The following KCNMB2 variants were observed in gnomAD, a reference collection of about 807,000 sequenced individuals.
The protein encoded by KCNMB2 is calcium-activated potassium channel subunit beta-2.
KCNMB2 carries 9 observed loss-of-function variants against 24.5 expected under a neutral mutation model. That is an observed-to-expected ratio of 0.37 (90% CI 0.22 to 0.64). The LOEUF (loss-of-function observed/expected upper bound fraction) is 0.64, where lower values mean the gene tolerates loss of function less well. KCNMB2 is among the 30% of genes least tolerant of loss of function. KCNMB2 has a pLI of 0.63. For missense variants in KCNMB2, 226 were observed against 284.3 expected, an observed-to-expected ratio of 0.79 and a Z score of 1.47; for synonymous variants, 109 against 104.4, an observed-to-expected ratio of 1.04 and a Z score of -0.27.
intron 1 of KCNMB2, among the ~76,000 whole-genome samples, chr3:178,603,056 A>G (rs77520926): frequency 2.6e-3 from 396 of 152,258 alleles, no homozygotes; most frequent in African/African-American, 9.0e-3. Flanking sequence ...CAAGGTGTAG[A>G]ACTGAGAGTT....
chr3:178,776,868 T>C (rs1712601473), intron 1 of KCNMB2, among the ~76,000 whole-genome samples: 1 of 152,180 alleles, frequency 6.6e-6, no homozygotes, highest in Non-Finnish European at 1.5e-5. Context: ...CCCTGGCTCC[T>C]CTACTTGCCG....
chr3:178,791,625 C>G (rs1199586015), intron 1 of KCNMB2, among the ~76,000 whole-genome samples: 1 of 152,138 alleles, frequency 6.6e-6, no homozygotes, highest in African/African-American at 2.4e-5. Flanking sequence ...TATTCAAGTA[C>G]AGGAAGGTTA....
chr3:178,583,438 C>A (rs1196498892), intron 1 of KCNMB2, among the ~76,000 whole-genome samples: 1 of 152,074 alleles, frequency 6.6e-6, no homozygotes, highest in Non-Finnish European at 1.5e-5. Context: ...TGGGATTCAT[C>A]AAAAACCTTT....
intron 1 of KCNMB2, among the ~76,000 whole-genome samples, chr3:178,575,577 T>C (rs908428067): frequency 2.6e-5 from 4 of 152,028 alleles, no homozygotes; most frequent in Non-Finnish European, 4.4e-5. Context: ...ACAACTAATA[T>C]GAAATAAAAG....
intron 1 of KCNMB2, among the ~76,000 whole-genome samples, chr3:178,626,794 C>T (rs1373234960): frequency 1.3e-5 from 2 of 151,462 alleles, no homozygotes; most frequent in East Asian, 3.9e-4. Flanking sequence ...CTAACCATAT[C>T]ATACTAAAAC....
At chr3:178,692,467 G>A (rs1457624031) in intron 1 of KCNMB2, among the ~76,000 whole-genome samples, 1 of 152,206 alleles carries the variant, frequency 6.6e-6, no homozygotes, top group Non-Finnish European at 1.5e-5. Flanking sequence ...CATTTGGCTA[G>A]CCAGTTAACC....
At chr3:178,782,916 T>C (rs1279769862) in intron 1 of KCNMB2, among the ~76,000 whole-genome samples, 1,684 of 151,664 alleles carry the variant, frequency 0.011, 34 homozygotes, top group African/African-American at 0.038. Context: ...AGGGTTTTTA[T>C]GGTTTTAGGT....
At chr3:178,814,285 G>A (rs1164850612) in intron 2 of KCNMB2, among the ~76,000 whole-genome samples, 1 of 152,092 alleles carries the variant, frequency 6.6e-6, no homozygotes, top group African/African-American at 2.4e-5. Context: ...ATTCACTTAG[G>A]GTAACAGCCT....
intron 1 of KCNMB2, among the ~76,000 whole-genome samples, chr3:178,537,885 T>C (rs569276273): frequency 6.6e-6 from 1 of 152,224 alleles, no homozygotes; most frequent in Non-Finnish European, 1.5e-5. Context: ...TTATAACGAA[T>C]GGCAGATATG....
At chr3:178,597,455 C>T (rs1328648653) in intron 1 of KCNMB2, among the ~76,000 whole-genome samples, 1 of 152,118 alleles carries the variant, frequency 6.6e-6, no homozygotes, top group Non-Finnish European at 1.5e-5. Context: ...GTAAAAGCCA[C>T]TTGCTTCTCC....
In KCNMB2 at chr3:178,807,400, A is replaced by G. The variant is rs1015600203; in HGVS notation, c.-10A>G. The G allele has an allele frequency of 6.2e-6, 10 of 1,613,036 alleles. No individual in the cohort carries two copies. The highest frequency in any genetic ancestry group is 2.2e-5 in the East Asian group (1 of 44,878). Reference sequence around the variant, plus strand: ...TAAGGAAAGGAGACCCTGGACCAACATTCTCTAAGATGTTTATATGGACCA... The same window carrying G: ...TAAGGAAAGGAGACCCTGGACCAACGTTCTCTAAGATGTTTATATGGACCA... On this transcript the variant is annotated 5_prime_UTR_variant, in exon 2 of 5. Transcript: ENST00000452583.
intron 1 of KCNMB2, among the ~76,000 whole-genome samples, chr3:178,798,264 T>C (rs911975292): frequency 3.3e-5 from 5 of 152,188 alleles, no homozygotes; most frequent in Non-Finnish European, 5.9e-5. Context: ...TGATGTTGGC[T>C]GTGGGTTTGT....
chr3:178,732,896 C>T (rs1723198693), intron 1 of KCNMB2, among the ~76,000 whole-genome samples: 1 of 152,118 alleles, frequency 6.6e-6, no homozygotes, highest in Non-Finnish European at 1.5e-5. Context: ...TGAGACGAGG[C>T]TATCTTACAA....
In KCNMB2 at chr3:178,653,727, CTT is replaced by C. The variant is rs547074657; in HGVS notation, c.-68+117018_-68+117019del. 2.8e-3 allele frequency among the ~76,000 whole-genome samples: 423 copies of C among 152,014 alleles called. 5 individuals carry two copies. The South Asian group carries it at 0.034, about 12-fold the overall frequency. ...TAATATATTATTAATATCAAATTGT[CTT>C]TATGTTTTTAAGATTGAATCATGCT... On this transcript the variant is annotated intron_variant, in intron 1 of 4. Transcript: ENST00000452583.
chr3:178,561,569 C>G (rs1308067240), intron 1 of KCNMB2, among the ~76,000 whole-genome samples: 1 of 152,144 alleles, frequency 6.6e-6, no homozygotes, highest in Non-Finnish European at 1.5e-5. Context: ...TGATAAGGTC[C>G]TTCCAACTCT....
At position 178,564,347 on chromosome 3, in the gene KCNMB2, A is replaced by G. The variant is rs1577013377; in HGVS notation, c.-68+27636A>G. ...GTCACAGAAGGACAATGATTAATAT[A>G]TAACAATAGTGACTAGAACAAACTC... On this transcript the variant is annotated intron_variant, in intron 1 of 4. Transcript: ENST00000452583. Among the ~76,000 whole-genome samples, 4 of 152,164 alleles carry G rather than the reference A, an allele frequency of 2.6e-5. No homozygotes were observed. In the East Asian group the frequency reaches 7.7e-4, roughly 29 times the overall value.
At chr3:178,569,239 AT>A in intron 1 of KCNMB2, among the ~76,000 whole-genome samples, 1 of 152,278 alleles carries the variant, frequency 6.6e-6, no homozygotes, top group East Asian at 1.9e-4. Context: ...AAACATCCAA[AT>A]AATTACCTTA....
intron 1 of KCNMB2, among the ~76,000 whole-genome samples, chr3:178,590,610 T>C (rs1162632901): frequency 6.6e-6 from 1 of 152,244 alleles, no homozygotes; most frequent in Non-Finnish European, 1.5e-5. Context: ...GTATGCATTA[T>C]CTTGTTTAAT....
At chr3:178,622,704 T>G (rs1718966235) in intron 1 of KCNMB2, among the ~76,000 whole-genome samples, 1 of 152,224 alleles carries the variant, frequency 6.6e-6, no homozygotes, top group Non-Finnish European at 1.5e-5. Context: ...TCAGCTTTGT[T>G]AAGTAGCCTC....
Sources: gnomAD v4.1 joint callset for allele counts (sites outside exome capture counted in the v4.1 genomes callset) on GRCh38, gnomAD v4.1.1 for gene constraint, MANE v1.5 for transcripts, NCBI Gene and HGNC (gene_info 2026-07-23, HGNC 2026-07-21) for gene names.